MID1: variants seen among roughly 807,000 people sequenced by gnomAD.
MID1 encodes the protein midline 1.
A neutral mutation model predicts 40.4 loss-of-function variants in MID1; 7 were observed. That is an observed-to-expected ratio of 0.17 (90% confidence interval 0.10 to 0.33). The LOEUF is 0.33. Among genes scored for constraint, MID1 ranks in the 10% least tolerant of loss-of-function variants. The probability of loss-of-function intolerance (pLI) is 1.00; values close to 1 mark genes in which losing one functional copy is unlikely to be tolerated. For synonymous variants in MID1, 229 were observed against 221.2 expected (o/e 1.04, Z -0.31); for missense variants, 367 against 558.5 (o/e 0.66, Z 3.46).
intron 1 of MID1, among the ~76,000 whole-genome samples, chrX:10,826,230 C>T (rs926925584): frequency 2.7e-5 from 3 of 110,936 alleles, no homozygotes; most frequent in African/African-American, 9.8e-5. Context: ...ATCTCCCTTG[C>T]CCCATGCATC....
chrX:10,669,576 T>A (rs1310065973), intron 1 of MID1, among the ~76,000 whole-genome samples: 1 of 111,830 alleles, frequency 8.9e-6, no homozygotes, highest in Non-Finnish European at 1.9e-5. Flanking sequence ...GAAGTCAGAG[T>A]GCTGTGAGAA....
chrX:10,687,854 C>G (rs1400766603), intron 1 of MID1, among the ~76,000 whole-genome samples: 1 of 111,207 alleles, frequency 9.0e-6, no homozygotes, highest in Non-Finnish European at 1.9e-5. Flanking sequence ...GCTGAGACCA[C>G]AGGTGCTTGC....
chrX:10,543,589 T>C (rs781578012), intron 2 of MID1, among the ~76,000 whole-genome samples: 1 of 111,313 alleles, frequency 9.0e-6, no homozygotes, highest in Non-Finnish European at 1.9e-5. Context: ...ACACCTGTAA[T>C]CCAAGCACTT....
chrX:10,731,090 T>C lies in MID1; in HGVS notation c.-187+102464A>G, dbSNP rs4830722. Among the ~76,000 whole-genome samples, 333 of 111,633 alleles carry C rather than the reference T, an allele frequency of 3.0e-3. 3 individuals are homozygous for C. Among genetic ancestry groups the C allele is most frequent in the Admixed American group, 0.027 (281 of 10,466 alleles). ...GTTTAAATCTTGAAAATATTTGAGA[T>C]GAAAAGAATATTTGTAATTATTTGT... On this transcript the variant is annotated intron_variant, in intron 1 of 10. Coordinates refer to the MID1 transcript ENST00000380785.
At chrX:10,533,596 A>G (rs189854872) in intron 2 of MID1, among the ~76,000 whole-genome samples, 65 of 111,420 alleles carry the variant, frequency 5.8e-4, no homozygotes, top group African/African-American at 2.0e-3. Flanking sequence ...AACACCTACT[A>G]TGGGAGTGTA....
intron 1 of MID1, among the ~76,000 whole-genome samples, chrX:10,590,416 T>C (rs1935266447): frequency 9.0e-6 from 1 of 111,435 alleles, no homozygotes; most frequent in African/African-American, 3.3e-5. Context: ...GGGTGGTGGG[T>C]GCCCTGTGCC....
chrX:10,502,538 T>C (rs1346648312), intron 3 of MID1, among the ~76,000 whole-genome samples: 1 of 111,637 alleles, frequency 9.0e-6, no homozygotes, highest in African/African-American at 3.3e-5. Flanking sequence ...GTAGACCCCT[T>C]GAGTTGTGCC....
At chrX:10,795,176 C>A (rs2043959764) in intron 1 of MID1, among the ~76,000 whole-genome samples, 1 of 112,146 alleles carries the variant, frequency 8.9e-6, no homozygotes, top group African/African-American at 3.2e-5. Context: ...TGCCTGCAGA[C>A]ATTGCAAAAT....
chrX:10,578,500 G>A (rs985115980), intron 1 of MID1, among the ~76,000 whole-genome samples: 2 of 112,288 alleles, frequency 1.8e-5, no homozygotes, highest in Non-Finnish European at 3.8e-5. Context: ...TCTTCTAAAG[G>A]GCATAATCTG....
chrX:10,709,440 C>A (rs777596596), intron 1 of MID1, among the ~76,000 whole-genome samples: 5 of 112,212 alleles, frequency 4.5e-5, no homozygotes, highest in Non-Finnish European at 9.4e-5. Context: ...CTTTTAATAT[C>A]TGGGAGAGAC....
intron 1 of MID1, among the ~76,000 whole-genome samples, chrX:10,639,944 C>A (rs1936169077): frequency 9.0e-6 from 1 of 111,208 alleles, no homozygotes; most frequent in South Asian, 3.8e-4. Context: ...GAAATAAAAT[C>A]CTTTACAGAC....
At chrX:10,604,177 T>C (rs967123682) in intron 1 of MID1, among the ~76,000 whole-genome samples, 1 of 111,432 alleles carries the variant, frequency 9.0e-6, no homozygotes, top group Non-Finnish European at 1.9e-5. Flanking sequence ...AAAAAAAAAA[T>C]ATTTGAGCCA....
rs61485561 is a variant in MID1, at chrX:10,761,242, TACAC to T, written c.-187+72308_-187+72311del. On this transcript the variant is annotated intron_variant, in intron 1 of 10. Transcript: ENST00000380785. ...GATCCCATGTTCAGCTCCTTCATTT[TACAC>T]ACACACACACACACACATACACACA... Among the ~76,000 whole-genome samples, 11 of 108,740 alleles carry T rather than the reference TACAC, an allele frequency of 1.0e-4. No individual in the cohort carries two copies. In the East Asian group the frequency reaches 1.7e-3, roughly 17 times the overall value. 94.4% of individuals were successfully genotyped at this position (108,740 alleles called of 115,157 possible).
intron 1 of MID1, among the ~76,000 whole-genome samples, chrX:10,823,458 C>A (rs1324760343): frequency 9.0e-6 from 1 of 111,128 alleles, no homozygotes. Flanking sequence ...ACATCCTGCA[C>A]ATGTACCCCT....
At chrX:10,697,118 G>A (rs184132245) in intron 1 of MID1, among the ~76,000 whole-genome samples, 1 of 111,746 alleles carries the variant, frequency 8.9e-6, no homozygotes, top group East Asian at 2.8e-4. Context: ...TGAGAGATTG[G>A]AGATTCCTTT....
chrX:10,803,249 A>G (rs1285701714), intron 1 of MID1, among the ~76,000 whole-genome samples: 1 of 111,822 alleles, frequency 8.9e-6, no homozygotes, highest in Non-Finnish European at 1.9e-5. Context: ...AAATATAAAT[A>G]AATATAAAGT....
intron 1 of MID1, among the ~76,000 whole-genome samples, chrX:10,685,848 C>T (rs897817363): frequency 5.9e-5 from 6 of 102,301 alleles, no homozygotes; most frequent in Non-Finnish European, 9.9e-5. Context: ...CTTCAGGGGA[C>T]CCCTCGGCCC....
intron 1 of MID1, among the ~76,000 whole-genome samples, chrX:10,801,440 A>G (rs778060458): frequency 8.5e-4 from 95 of 112,187 alleles, no homozygotes; most frequent in African/African-American, 2.7e-3. Flanking sequence ...ACTATTTCTC[A>G]GTAATCACAA....
intron 3 of MID1, among the ~76,000 whole-genome samples, chrX:10,501,957 A>C (rs2147331541): frequency 8.9e-6 from 1 of 112,397 alleles, no homozygotes; most frequent in Admixed American, 9.4e-5. Context: ...TATAAACATT[A>C]AAGGGATTTA....
Sources: gnomAD v4.1 joint callset for allele counts (sites outside exome capture counted in the v4.1 genomes callset) on GRCh38, gnomAD v4.1.1 for gene constraint, MANE v1.5 for transcripts, NCBI Gene and HGNC (gene_info 2026-07-23, HGNC 2026-07-21) for gene names.